SLC13A5: variants seen among roughly 807,000 people sequenced by gnomAD.
SLC13A5 encodes the protein Na(+)/citrate cotransporter.
Under a neutral mutation model 56.5 loss-of-function variants are expected in SLC13A5, and 25 were observed. The observed-to-expected ratio is 0.44, with a 90% CI of 0.32 to 0.62. The LOEUF is 0.62. Among genes scored for constraint, SLC13A5 ranks in the 20% least tolerant of loss-of-function variants. SLC13A5 has a pLI of 0.04. For synonymous variants in SLC13A5, 307 were observed against 301.5 expected, an observed-to-expected ratio of 1.02 and a Z score of -0.19; for missense variants, 649 against 737.8, an observed-to-expected ratio of 0.88 and a Z score of 1.39.
rs1973705859 is a variant in SLC13A5, at chr17:6,701,248, C to T, written c.717-122G>A. 4 of 1,384,430 alleles carry T rather than the reference C, an allele frequency of 2.9e-6. No homozygotes were observed. The South Asian group carries it at 5.5e-5, about 19-fold the overall frequency. The allele number at this position is 1,384,430 out of a possible 1,614,324, so 85.8% of individuals were successfully genotyped here. A position where few individuals can be genotyped will look rare whatever the true frequency, so the allele number is the denominator to read the frequency against. On this transcript the variant is annotated intron_variant, in intron 5 of 11. Coordinates refer to ENST00000433363, the MANE Select transcript of SLC13A5 (RefSeq NM_177550.5). This position sits in a 1 kb window ranked among gnomAD's most constrained non-coding sequence, Gnocchi z 4.1. ...CGCGCCTGTGTGGAGGCCACATCCTCCTGAGGTCTAGCCACCAAGTCCATT... is the reference window on the plus strand; with the variant it reads ...CGCGCCTGTGTGGAGGCCACATCCTTCTGAGGTCTAGCCACCAAGTCCATT...
chr17:6,713,246 G>T lies in SLC13A5; in HGVS notation c.88C>A (p.Leu30Met). Residue 30 changes from leucine to methionine, a missense_variant, in exon 1 of 12, where the codon CTG (leucine) becomes ATG (methionine). Leu to Met is a conservative substitution (Grantham distance 15). Coordinates refer to ENST00000433363, the MANE Select transcript of SLC13A5 (RefSeq NM_177550.5). The surrounding 1 kb of genome is among the most constrained non-coding windows in gnomAD (Gnocchi z 7.3). Reference protein sequence around the residue: ...TPLLLLPLVILMPAKFVRCAY... With the variant: ...TPLLLLPLVIMMPAKFVRCAY... ...ATGCAACTGACCTTGGCGGGCATCAGAATGACGAGTGGCAGCAGCAGGAGC... is the reference window on the plus strand; with the variant it reads ...ATGCAACTGACCTTGGCGGGCATCATAATGACGAGTGGCAGCAGCAGGAGC... The T allele has an allele frequency of 1.9e-6, 3 of 1,613,978 alleles. No homozygotes were observed. The highest frequency in any genetic ancestry group is 2.5e-6 in the Non-Finnish European group (3 of 1,179,932).
chr17:6,694,610 C>CA (rs902933681), intron 7 of SLC13A5, among the ~76,000 whole-genome samples: 2 of 151,632 alleles, frequency 1.3e-5, no homozygotes, highest in African/African-American at 4.8e-5. Context: ...GACTCTGTCT[C>CA]AAAAAAATAA....
In SLC13A5 at chr17:6,686,292, A is replaced by G. The variant is rs1567612345; in HGVS notation, c.1622T>C (p.Phe541Ser). 7 of 1,614,034 alleles carry G rather than the reference A, an allele frequency of 4.3e-6. No homozygotes were observed. In the South Asian group the frequency reaches 6.6e-5, roughly 15 times the overall value. Residue 541 changes from phenylalanine to serine, a missense_variant, in exon 12 of 12, where the codon TTT becomes TCT. Transcript: ENST00000433363. ...CCGTCCCCAGGTGTTGACAGCCAAA[A>G]ACACACAGAAGACTCCAATTATGTT... Reference protein sequence around the residue: ...IMNIIGVFCVFLAVNTWGRAI... With the variant: ...IMNIIGVFCVSLAVNTWGRAI...
In SLC13A5 at chr17:6,687,356, G is replaced by C. The variant is rs1973275580; in HGVS notation, c.1575+173C>G. 1 of 867,252 alleles carries C rather than the reference G, an allele frequency of 1.2e-6. No homozygotes were observed. The highest frequency in any genetic ancestry group is 1.7e-5 in the African/African-American group (1 of 58,140). 53.7% of individuals were successfully genotyped at this position (867,252 alleles called of 1,614,324 possible). On this transcript the variant is annotated intron_variant, in intron 11 of 11. Coordinates refer to ENST00000433363, the MANE Select transcript of SLC13A5 (RefSeq NM_177550.5). The surrounding 1 kb of genome is among the most constrained non-coding windows in gnomAD (Gnocchi z 5.0). ...GTGTGTGAGGCTTGAGATCATCTCA[G>C]AAAAAGAAGAAAAGCTGCATTATAA...
intron 9 of SLC13A5, 22 bp from the exon 10 acceptor site, chr17:6,690,962 G>A (rs761392466): frequency 6.3e-7 from 1 of 1,586,368 alleles, no homozygotes; most frequent in East Asian, 2.2e-5. Flanking sequence ...CAGGAGGGCA[G>A]TCATCTCAGC....
chr17:6,709,425 A>G (rs569570646), intron 1 of SLC13A5, among the ~76,000 whole-genome samples: 2 of 151,900 alleles, frequency 1.3e-5, no homozygotes, highest in East Asian at 1.9e-4. Flanking sequence ...AAGCGCCACC[A>G]CGCCCGGCTA....
Position 6,713,330 on chromosome 17 carries a change from C to A in SLC13A5, c.4G>T (p.Ala2Ser). 6.2e-7 allele frequency: 1 copy of A among 1,613,598 alleles called. No individual in the cohort carries two copies. Among genetic ancestry groups the A allele is most frequent in the Non-Finnish European group, 8.5e-7 (1 of 1,179,752 alleles). Residue 2 changes from alanine (A) to serine (S), a missense_variant, in exon 1 of 12, where the codon GCC becomes TCC. Coordinates refer to ENST00000433363, the MANE Select transcript of SLC13A5 (RefSeq NM_177550.5). The surrounding 1 kb of genome is among the most constrained non-coding windows in gnomAD (Gnocchi z 7.3). Reference sequence around the variant, plus strand: ...TTGGAGACATAGCTCAGCGCCGAGGCCATCGCGCGGGAGGGAGACTGGCGG... The same window carrying A: ...TTGGAGACATAGCTCAGCGCCGAGGACATCGCGCGGGAGGGAGACTGGCGG... Reference protein sequence around the residue: MASALSYVSKFK... With the variant: MSSALSYVSKFK...
chr17:6,685,604 T>G lies in SLC13A5; in HGVS notation c.*603A>C, dbSNP rs1480996121. 6.5e-6 allele frequency: 1 copy of G among 154,170 alleles called. No individual in the cohort carries two copies. The highest frequency in any genetic ancestry group is 1.4e-5 in the Non-Finnish European group (1 of 69,258). 9.6% of individuals were successfully genotyped at this position (154,170 alleles called of 1,614,324 possible). A position where few individuals can be genotyped will look rare whatever the true frequency, so the allele number is the denominator to read the frequency against. ...AGTTGGCAACTCAGATTCCTCATCC[T>G]TTGGTGGTGGCCACAGGAGGAGTTC... On this transcript the variant is annotated 3_prime_UTR_variant, in exon 12 of 12. Coordinates refer to ENST00000433363, the MANE Select transcript of SLC13A5 (RefSeq NM_177550.5). This position sits in a 1 kb window ranked among gnomAD's most constrained non-coding sequence, Gnocchi z 4.2.
intron 10 of SLC13A5, chr17:6,689,454 C>T (rs1973336261): frequency 6.6e-6 from 1 of 152,248 alleles, no homozygotes; most frequent in Non-Finnish European, 1.5e-5. Context: ...GTTCCTGGTT[C>T]TAGAAAAGCC....
rs201076291 is a variant in SLC13A5, at chr17:6,707,191, C to A, written c.103-35G>T. On this transcript the variant is annotated intron_variant, in intron 1 of 11. Transcript: ENST00000433363. ...CAGTCCTGAGGCCTCAGCGTGTTGC[C>A]GCCTCCCTCTCCCCACCCCCAGAAC... is the stretch of plus-strand genomic sequence containing the variant. 5 of 1,609,940 alleles carry A rather than the reference C, an allele frequency of 3.1e-6. No individual in the cohort carries two copies. The Middle Eastern group carries it at 8.4e-4, about 270-fold the overall frequency.
chr17:6,706,430 G>A (rs1007353717), intron 3 of SLC13A5, among the ~76,000 whole-genome samples: 6 of 152,190 alleles, frequency 3.9e-5, no homozygotes, highest in African/African-American at 1.4e-4. Flanking sequence ...CTGGATTCGA[G>A]GACCCTTACT....
At position 6,701,142 on chromosome 17, in the gene SLC13A5, G is replaced by C; in HGVS notation, c.717-16C>G. On this transcript the variant is annotated splice_polypyrimidine_tract_variant and intron_variant, in intron 5 of 11. Coordinates refer to ENST00000433363, the MANE Select transcript of SLC13A5 (RefSeq NM_177550.5). The surrounding 1 kb of genome is among the most constrained non-coding windows in gnomAD (Gnocchi z 4.1). ...AGGAAACAACCTACAAGAAGACACC[G>C]GCCCCCACCTCAGATGCTGAGCTGT... 1 of 1,613,136 alleles carries C rather than the reference G, an allele frequency of 6.2e-7. No individual in the cohort carries two copies. The highest frequency in any genetic ancestry group is 8.5e-7 in the Non-Finnish European group (1 of 1,179,646).
intron 1 of SLC13A5, among the ~76,000 whole-genome samples, chr17:6,708,051 C>T (rs1973918526): frequency 6.6e-6 from 1 of 152,202 alleles, no homozygotes; most frequent in South Asian, 2.1e-4. Flanking sequence ...CAGCTCACTG[C>T]AACCTCCACC....
rs1056899352 is a variant in SLC13A5 at position 6,701,924 on chromosome 17, G to T, written c.717-798C>A. On this transcript the variant is annotated intron_variant, in intron 5 of 11. Coordinates refer to ENST00000433363, the MANE Select transcript of SLC13A5 (RefSeq NM_177550.5). The surrounding 1 kb of genome is among the most constrained non-coding windows in gnomAD (Gnocchi z 4.1). ...CCCCGCCTCCCATCCCCGGGGCTCT[G>T]CTAGCCCCAGGGGCGCCCCCTTTAG... Among the ~76,000 whole-genome samples the T allele has an allele frequency of 1.3e-5, 2 of 152,156 alleles. No homozygotes were observed. The highest frequency in any genetic ancestry group is 6.5e-5 in the Admixed American group (1 of 15,286).
At chr17:6,691,504 A>G (rs1973404537) in intron 9 of SLC13A5, among the ~76,000 whole-genome samples, 1 of 152,246 alleles carries the variant, frequency 6.6e-6, no homozygotes, top group Non-Finnish European at 1.5e-5. Context: ...GAGATTGTCC[A>G]GGGAGAGAAT....
Position 6,695,781 on chromosome 17 carries a change from C to A in SLC13A5, c.1000G>T (p.Asp334Tyr), listed in dbSNP as rs1183731879. 6.2e-7 allele frequency: 1 copy of A among 1,614,206 alleles called. No individual in the cohort carries two copies. Among genetic ancestry groups the A allele is most frequent in the East Asian group, 2.2e-5 (1 of 44,880 alleles). ...FLLVILWFSR[D>Y]PGFMPGWLTV... ...AGCCAGCCGGGCATGAAGCCGGGGT[C>A]TCGGGAGAACCACAGGATGACCAGC... is the stretch of plus-strand genomic sequence containing the variant. Residue 334 changes from aspartate (D) to tyrosine (Y), a missense_variant, in exon 7 of 12, where the codon GAC becomes TAC. Transcript: ENST00000433363.
In SLC13A5 at chr17:6,703,941, T is replaced by C; in HGVS notation, c.484A>G (p.Thr162Ala). The change falls in exon 4 of 12, where the codon ACA (threonine) becomes GCA (alanine). Residue 162 changes from threonine to alanine, a missense_variant. Thr to Ala is a moderately conservative substitution (Grantham distance 58). Transcript: ENST00000433363. Reference sequence around the variant, plus strand: ...AGGCCGGCCTCGGTGGCTGCGCTTGTGGCTTCCATCTGCTGCAATATGGCC... The same window carrying C: ...AGGCCGGCCTCGGTGGCTGCGCTTGCGGCTTCCATCTGCTGCAATATGGCC... Reference protein sequence around the residue: ...VEAILQQMEATSAATEAGLEL... With the variant: ...VEAILQQMEAASAATEAGLEL... 6.2e-7 allele frequency: 1 copy of C among 1,607,488 alleles called. No individual in the cohort carries two copies. Among genetic ancestry groups the C allele is most frequent in the Non-Finnish European group, 8.5e-7 (1 of 1,176,120 alleles).
In SLC13A5 at chr17:6,687,384, G is replaced by A. The variant is rs532057590; in HGVS notation, c.1575+145C>T. ...AAAGAAGAAAAGCTGCATTATAAAT[G>A]TCAACAATGGCTACAGGTCTGGATG... On this transcript the variant is annotated intron_variant, in intron 11 of 11. Coordinates refer to ENST00000433363, the MANE Select transcript of SLC13A5 (RefSeq NM_177550.5). The surrounding 1 kb of genome is among the most constrained non-coding windows in gnomAD (Gnocchi z 5.0). 22 of 1,081,732 alleles carry A rather than the reference G, an allele frequency of 2.0e-5. No individual in the cohort carries two copies. The South Asian group carries it at 3.0e-4, about 15-fold the overall frequency. 67.0% of individuals were successfully genotyped at this position (1,081,732 alleles called of 1,614,324 possible). A position where few individuals can be genotyped will look rare whatever the true frequency, so the allele number is the denominator to read the frequency against.
In SLC13A5 at chr17:6,687,267, C is replaced by T; in HGVS notation, c.1575+262G>A. The T allele has an allele frequency of 2.3e-6, 1 of 442,462 alleles. No homozygotes were observed. Among genetic ancestry groups the T allele is most frequent in the East Asian group, 4.9e-5 (1 of 20,336 alleles). 27.4% of individuals were successfully genotyped at this position (442,462 alleles called of 1,614,324 possible). ...CCCACCTTCACCCCTTCCAAGGACT[C>T]CCCTGGTGCCTGCACAGGCTTCTCC... On this transcript the variant is annotated intron_variant, in intron 11 of 11. Transcript: ENST00000433363. This position sits in a 1 kb window ranked among gnomAD's most constrained non-coding sequence, Gnocchi z 5.0.
Sources: allele counts gnomAD v4.1 joint callset (sites outside exome capture counted in the v4.1 genomes callset), GRCh38; gene constraint gnomAD v4.1.1; non-coding constraint Gnocchi (gnomAD v3.1); transcripts MANE v1.5; gene names NCBI Gene and HGNC (gene_info 2026-07-23, HGNC 2026-07-21).